Variants in NAT1 observed in about 807,000 individuals in gnomAD.
NAT1 encodes the protein N-acetyltransferase 1.
For missense variants in NAT1, 400 were observed against 339.2 expected (o/e 1.18, Z -1.41); for synonymous variants, 144 against 122.6 (o/e 1.17, Z -1.16).
At chr8:18,205,661 C>G (rs760746244), upstream of NAT1, among the ~76,000 whole-genome samples, 18 of 152,204 alleles carry the variant, frequency 1.2e-4, no homozygotes, top group Non-Finnish European at 1.5e-4. Context: ...TCTGCCCATT[C>G]AGACACATGC....
intron 2 of NAT1, among the ~76,000 whole-genome samples, chr8:18,202,906 G>A (rs1803534566): frequency 6.6e-6 from 1 of 152,160 alleles, no homozygotes; most frequent in African/African-American, 2.4e-5. Context: ...ACGTCCTGCT[G>A]ATTGGTCCAT....
chr8:18,200,050 T>G (rs1039342461), intron 2 of NAT1, among the ~76,000 whole-genome samples: 1 of 152,170 alleles, frequency 6.6e-6, no homozygotes, highest in Admixed American at 6.5e-5. Context: ...AGGTAACACT[T>G]ATCAGGTTGT....
At chr8:18,215,383 T>C (rs547012363) in intron 1 of NAT1, among the ~76,000 whole-genome samples, 2 of 152,356 alleles carry the variant, frequency 1.3e-5, no homozygotes, top group South Asian at 4.1e-4. Flanking sequence ...CATTAGCCTT[T>C]AGTAGGAATA....
At chr8:18,216,061 CT>C (rs33925713) in intron 1 of NAT1, among the ~76,000 whole-genome samples, 151,070 of 152,006 alleles carry the variant, frequency 0.99, 75,073 homozygotes, top group African/African-American at 1. Flanking sequence ...AGTGAATGTG[CT>C]TTTTTTTGCA....
At chr8:18,203,494 T>C (rs1329839245) in intron 2 of NAT1, among the ~76,000 whole-genome samples, 5 of 152,210 alleles carry the variant, frequency 3.3e-5, no homozygotes, top group Non-Finnish European at 7.3e-5. Flanking sequence ...TTTTTGATAC[T>C]TCTTTGACTT....
chr8:18,189,853 G>C (rs1802908475), intron 2 of NAT1, among the ~76,000 whole-genome samples: 5 of 152,138 alleles, frequency 3.3e-5, no homozygotes, highest in Admixed American at 1.3e-4. Context: ...GCAATGGCAT[G>C]ATCTTGGATC....
chr8:18,187,920 A>G lies in NAT1; in HGVS notation n.92+17181A>G, dbSNP rs199803071. 1.0e-4 allele frequency among the ~76,000 whole-genome samples: 14 copies of G among 136,598 alleles called. No homozygotes were observed. The East Asian group carries it at 2.1e-3, about 20-fold the overall frequency. 89.6% of individuals were successfully genotyped at this position (136,598 alleles called of 152,430 possible). ...TTTATTCCCTCTCAATTTGTATGCT[A>G]TTATCTTGTATCTTAAACACACACA... On this transcript the variant is annotated intron_variant and non_coding_transcript_variant, in intron 2 of 4. Transcript: ENST00000517441.
intron 2 of NAT1, 106 bp from the exon 3 acceptor site, chr8:18,221,936 T>C: frequency 8.3e-7 from 1 of 1,197,814 alleles, no homozygotes; most frequent in Non-Finnish European, 1.2e-6. Flanking sequence ...TTATTATACT[T>C]ATAACCATTG....
upstream of NAT1, among the ~76,000 whole-genome samples, chr8:18,209,205 C>A (rs928743979): frequency 6.6e-6 from 1 of 152,222 alleles, no homozygotes; most frequent in Non-Finnish European, 1.5e-5. Context: ...GTCTATCTAG[C>A]CTGCCTGAGG....
chr8:18,180,015 G>C (rs914704956), intron 2 of NAT1, among the ~76,000 whole-genome samples: 9 of 152,184 alleles, frequency 5.9e-5, no homozygotes, highest in Non-Finnish European at 7.4e-5. Flanking sequence ...TAAGAAGTCA[G>C]AGGAGGGAGT....
intron 2 of NAT1, among the ~76,000 whole-genome samples, chr8:18,185,571 G>T (rs973302978): frequency 5.3e-5 from 8 of 151,934 alleles, no homozygotes; most frequent in Admixed American, 3.9e-4. Flanking sequence ...TCTCATCAGG[G>T]TTTATCCATA....
intron 2 of NAT1, among the ~76,000 whole-genome samples, chr8:18,202,749 A>T (rs187716167): frequency 4.6e-4 from 70 of 152,298 alleles, no homozygotes; most frequent in African/African-American, 1.5e-3. Context: ...CAGCTTACAA[A>T]GGTAGTGAGG....
intron 2 of NAT1, among the ~76,000 whole-genome samples, chr8:18,189,647 T>C (rs918237844): frequency 1.3e-5 from 2 of 152,200 alleles, no homozygotes; most frequent in Non-Finnish European, 2.9e-5. Context: ...TACTTTGCGA[T>C]GTGGTTGTTT....
intron 1 of NAT1, chr8:18,217,118 T>A: frequency 1.5e-6 from 1 of 674,430 alleles, no homozygotes. Context: ...TATAACTGGT[T>A]TTCCCTCTGG....
intron 2 of NAT1, among the ~76,000 whole-genome samples, chr8:18,204,297 G>T (rs894437295): frequency 7.9e-5 from 12 of 151,998 alleles, no homozygotes; most frequent in Non-Finnish European, 1.8e-4. Flanking sequence ...CGAACGCCAG[G>T]GTATATACCC....
At chr8:18,176,873 T>A (rs763910460) in intron 2 of NAT1, among the ~76,000 whole-genome samples, 1 of 152,112 alleles carries the variant, frequency 6.6e-6, no homozygotes, top group South Asian at 2.1e-4. Context: ...TTTCCATTTA[T>A]TGTGTCATCT....
chr8:18,197,520 A>G (rs1266223409), intron 2 of NAT1, among the ~76,000 whole-genome samples: 3 of 152,144 alleles, frequency 2.0e-5, no homozygotes, highest in African/African-American at 4.8e-5. Context: ...ATACTGCTAA[A>G]CAATGCACAC....
chr8:18,173,507 A>T (rs1402931102), intron 2 of NAT1, among the ~76,000 whole-genome samples: 1 of 152,172 alleles, frequency 6.6e-6, no homozygotes, highest in Admixed American at 6.6e-5. Flanking sequence ...CCCCAGAGCC[A>T]CATAAAGGGC....
chr8:18,195,200 A>G (rs943872284), intron 2 of NAT1, among the ~76,000 whole-genome samples: 2 of 152,180 alleles, frequency 1.3e-5, no homozygotes, highest in African/African-American at 4.8e-5. Flanking sequence ...TGTATGCAGA[A>G]TCTCTCTAAG....
Sources: gnomAD v4.1 joint callset for allele counts (sites outside exome capture counted in the v4.1 genomes callset) on GRCh38, gnomAD v4.1.1 for gene constraint, MANE v1.5 for transcripts, NCBI Gene and HGNC (gene_info 2026-07-23, HGNC 2026-07-21) for gene names.